The following PTGR2 variants were observed in gnomAD, a reference collection of about 807,000 sequenced individuals.
PTGR2 encodes 15-oxoprostaglandin 13-reductase.
A neutral mutation model predicts 43.4 loss-of-function variants in PTGR2; 32 were observed. The ratio of observed to expected loss-of-function variants is 0.74; its 90% CI spans 0.56 to 0.99. The LOEUF (loss-of-function observed/expected upper bound fraction) is 0.99, where lower values mean the gene tolerates loss of function less well. PTGR2 is among the 50% of genes least tolerant of loss of function. The pLI, the probability that PTGR2 is intolerant of heterozygous loss-of-function variation, is 0.00. For synonymous variants in PTGR2, 106 were observed against 139.2 expected (o/e 0.76, Z 1.68); for missense variants, 373 against 420.0 (o/e 0.89, Z 0.98).
At chr14:73,867,582 C>T (rs1266198326) in intron 3 of PTGR2, among the ~76,000 whole-genome samples, 3 of 152,130 alleles carry the variant, frequency 2.0e-5, no homozygotes, top group East Asian at 1.9e-4. Flanking sequence ...ATCTTCACTT[C>T]GAACACTCCC....
intron 3 of PTGR2, among the ~76,000 whole-genome samples, chr14:73,860,892 T>C (rs1475905730): frequency 6.6e-6 from 1 of 152,132 alleles, no homozygotes; most frequent in Admixed American, 6.6e-5. Context: ...CTTTCAAATG[T>C]TCAGATTACT....
chr14:73,874,388 A>G (rs1311846273), intron 4 of PTGR2, among the ~76,000 whole-genome samples, 174 bp downstream of exon 4: 1 of 152,216 alleles, frequency 6.6e-6, no homozygotes, highest in Non-Finnish European at 1.5e-5. Context: ...TGTGTAGGGA[A>G]GTTTAAATTG....
chr14:73,881,178 T>G (rs776014551), intron 7 of PTGR2, 27 bp from the exon 8 acceptor site: 2 of 1,355,414 alleles, frequency 1.5e-6, no homozygotes, highest in African/African-American at 2.9e-5. Flanking sequence ...TATTCTCTGA[T>G]CATTATCCTT....
intron 3 of PTGR2, among the ~76,000 whole-genome samples, chr14:73,862,979 T>A (rs1226803062): frequency 1.3e-5 from 2 of 152,200 alleles, no homozygotes; most frequent in African/African-American, 4.8e-5. Flanking sequence ...AGTGCTGAGA[T>A]TTCAGGTGTG....
rs2054879037 is a variant in PTGR2 at position 73,876,929 on chromosome 14, G to A, written c.349-69G>A. 1.9e-5 allele frequency: 23 copies of A among 1,195,294 alleles called. No homozygotes were observed. In the South Asian group the frequency reaches 2.7e-4, roughly 14 times the overall value. The allele number at this position is 1,195,294 out of a possible 1,614,324, so 74.0% of individuals were successfully genotyped here. ...GGGGACGCAATTCAGTCCATAACAC[G>A]TTGTCTCTACTTTGTTGTCTCAAAA... On this transcript the variant is annotated intron_variant, in intron 4 of 9. Transcript: ENST00000555661.
intron 5 of PTGR2, 23 bp downstream of exon 5, chr14:73,877,191 G>T (rs2054885265): frequency 6.3e-7 from 1 of 1,581,528 alleles, no homozygotes; most frequent in South Asian, 1.1e-5. Context: ...AGAATTATTT[G>T]ATTTTCTGAT....
At chr14:73,879,037 C>G in intron 5 of PTGR2, 59 bp from the exon 6 acceptor site, 1 of 1,393,294 alleles carries the variant, frequency 7.2e-7, no homozygotes, top group Non-Finnish European at 1.0e-6. Flanking sequence ...TATACTGGTA[C>G]ATTTTTACAT....
At chr14:73,876,974 T>C (rs752792741) in intron 4 of PTGR2, 24 bp from the exon 5 acceptor site, 1 of 1,576,246 alleles carries the variant, frequency 6.3e-7, no homozygotes, top group African/African-American at 1.4e-5. Context: ...CTAGTATTTT[T>C]AAAGGGTATA....
chr14:73,857,668 T>TTTTTTTTTG, intron 1 of PTGR2, among the ~76,000 whole-genome samples: 1 of 113,792 alleles, frequency 8.8e-6, no homozygotes, highest in African/African-American at 3.2e-5. Flanking sequence ...GTTAGTGTTT[T>TTTTTTTTTG]TTTTTTTTTT....
chr14:73,873,078 C>T (rs1044477579), intron 3 of PTGR2, among the ~76,000 whole-genome samples: 2 of 151,812 alleles, frequency 1.3e-5, no homozygotes, highest in African/African-American at 4.8e-5. Flanking sequence ...TGAGAGGCTG[C>T]GGGCAGTACA....
chr14:73,862,913 GC>G (rs1366783596), intron 3 of PTGR2, among the ~76,000 whole-genome samples: 3 of 151,896 alleles, frequency 2.0e-5, no homozygotes, highest in Non-Finnish European at 2.9e-5. Context: ...TTGCCATGTT[GC>G]CCAGGTTGGT....
At chr14:73,883,892 A>G (rs1463379302) in intron 9 of PTGR2, among the ~76,000 whole-genome samples, 1 of 152,166 alleles carries the variant, frequency 6.6e-6, no homozygotes, top group Non-Finnish European at 1.5e-5. Flanking sequence ...TCTTTCCAGT[A>G]TGGGCAAAAC....
chr14:73,853,964 G>A (rs2054287405), intron 1 of PTGR2, among the ~76,000 whole-genome samples: 1 of 152,018 alleles, frequency 6.6e-6, no homozygotes, highest in Non-Finnish European at 1.5e-5. Context: ...CAGGCAAATA[G>A]GATTTGCTGA....
In PTGR2 at chr14:73,880,690, G is replaced by A. The variant is rs2054965347; in HGVS notation, c.851+514G>A. 2.6e-5 allele frequency among the ~76,000 whole-genome samples: 4 copies of A among 152,210 alleles called. No homozygotes were observed. The South Asian group carries it at 8.3e-4, about 32-fold the overall frequency. On this transcript the variant is annotated intron_variant, in intron 7 of 9. Coordinates refer to ENST00000555661, the MANE Select transcript of PTGR2 (RefSeq NM_001146154.2). The stretch of plus-strand genomic sequence containing the variant: ...GCTACCTGAAAACTGATAGTTATTG[G>A]CTTTGACTGGCCTGGGTTAAGTCAC...
intron 5 of PTGR2, chr14:73,877,925 A>T (rs866140776): frequency 6.6e-6 from 1 of 152,268 alleles, no homozygotes. Context: ...TGGGAGGCCA[A>T]CTTGGCAGGA....
At position 73,885,367 on chromosome 14, in the gene PTGR2, C is replaced by T. The variant is rs1052118748; in HGVS notation, c.*1190C>T. The T allele has an allele frequency of 1.3e-5, 2 of 152,206 alleles. No homozygotes were observed. The highest frequency in any genetic ancestry group is 2.1e-4 in the South Asian group (1 of 4,832). 9.4% of individuals were successfully genotyped at this position (152,206 alleles called of 1,614,324 possible). On this transcript the variant is annotated 3_prime_UTR_variant, in exon 10 of 10. Transcript: ENST00000555661. The stretch of plus-strand genomic sequence containing the variant: ...GGGCAAATTAACAAATGTTTGTAAA[C>T]ATGAATGTTCAGGAACTACTGATGT...
At chr14:73,862,422 TG>T (rs1193005579) in intron 3 of PTGR2, among the ~76,000 whole-genome samples, 1 of 152,130 alleles carries the variant, frequency 6.6e-6, no homozygotes, top group Non-Finnish European at 1.5e-5. Context: ...TTAGCCAGGA[TG>T]GTCTTGATCT....
intron 2 of PTGR2, among the ~76,000 whole-genome samples, chr14:73,859,746 C>T (rs866036553): frequency 5.3e-5 from 8 of 150,564 alleles, no homozygotes; most frequent in African/African-American, 9.8e-5. Flanking sequence ...AAAGTTTAGC[C>T]GCGCTCCATC....
intron 2 of PTGR2, among the ~76,000 whole-genome samples, chr14:73,859,865 G>GTT (rs35206130): frequency 1.6e-4 from 23 of 143,250 alleles, no homozygotes; most frequent in East Asian, 1.2e-3. Context: ...ACTTGTGCCT[G>GTT]TTTTTTTTTT....
Sources: allele counts gnomAD v4.1 joint callset (sites outside exome capture counted in the v4.1 genomes callset), GRCh38; gene constraint gnomAD v4.1.1; transcripts MANE v1.5; gene names NCBI Gene and HGNC (gene_info 2026-07-23, HGNC 2026-07-21).